NAALADL2: variants seen among roughly 807,000 people sequenced by gnomAD.
The protein encoded by NAALADL2 is inactive N-acetylated-alpha-linked acidic dipeptidase-like protein 2.
A neutral mutation model predicts 87.2 loss-of-function variants in NAALADL2; 76 were observed. That is an observed-to-expected ratio of 0.87 (90% CI 0.72 to 1.05). The LOEUF is 1.05. Among genes scored for constraint, NAALADL2 ranks in the 50% least tolerant of loss-of-function variants. NAALADL2 has a pLI of 0.00. For missense variants in NAALADL2, 1,089 were observed against 945.8 expected, an observed-to-expected ratio of 1.15 and a Z score of -1.99; for synonymous variants, 354 against 331.0, an observed-to-expected ratio of 1.07 and a Z score of -0.75.
Position 175,479,345 on chromosome 3 carries a change from G to A in NAALADL2, c.1653+7587G>A, listed in dbSNP as rs141318329. Among the ~76,000 whole-genome samples, 250 of 151,812 alleles carry A rather than the reference G, an allele frequency of 1.6e-3. 6 individuals carry two copies. Among genetic ancestry groups the A allele is most frequent in the Admixed American group, 3.9e-3 (60 of 15,204 alleles). On this transcript the variant is annotated intron_variant, in intron 9 of 13. Coordinates refer to ENST00000454872, the MANE Select transcript of NAALADL2 (RefSeq NM_207015.3). ...ACTTTGAACAAACATTTCCCAGTGC[G>A]CATTATGAAAGGTATACAAAGTAGA...
At chr3:174,517,759 T>C (rs1052066462) in intron 1 of NAALADL2, among the ~76,000 whole-genome samples, 1 of 152,162 alleles carries the variant, frequency 6.6e-6, no homozygotes, top group Non-Finnish European at 1.5e-5. Flanking sequence ...ATTATTCTGT[T>C]AACTTTCTCA....
At chr3:174,748,669 G>A (rs1560192573) in intron 3 of NAALADL2, among the ~76,000 whole-genome samples, 2 of 152,112 alleles carry the variant, frequency 1.3e-5, no homozygotes, top group Admixed American at 6.6e-5. Flanking sequence ...AATGTTACGA[G>A]AATCTAGAAG....
chr3:175,021,917 A>C (rs753911639), intron 1 of NAALADL2, among the ~76,000 whole-genome samples: 13 of 152,008 alleles, frequency 8.6e-5, no homozygotes, highest in Non-Finnish European at 1.8e-4. Flanking sequence ...TCAATGTTGG[A>C]AGTAGGGCCC....
Position 175,398,454 on chromosome 3 carries a change from C to A in NAALADL2, c.1091-48775C>A, listed in dbSNP as rs148400132. Among the ~76,000 whole-genome samples, 204 of 150,006 alleles carry A rather than the reference C, an allele frequency of 1.4e-3. 1 individual carries two copies. Among genetic ancestry groups the A allele is most frequent in the African/African-American group, 4.8e-3 (193 of 40,588 alleles). On this transcript the variant is annotated intron_variant, in intron 5 of 13. Coordinates refer to ENST00000454872, the MANE Select transcript of NAALADL2 (RefSeq NM_207015.3). ...AATCTGTATCCACATGATGAAAGCA[C>A]TGTATGGTTCTCATTGTATTGTTTT...
intron 11 of NAALADL2, among the ~76,000 whole-genome samples, chr3:175,721,656 C>T (rs1033554286): frequency 2.0e-5 from 3 of 151,940 alleles, no homozygotes; most frequent in African/African-American, 7.2e-5. Flanking sequence ...AAAAACTGAT[C>T]GAGCTATAGG....
chr3:175,316,283 G>A (rs756075481), intron 4 of NAALADL2, among the ~76,000 whole-genome samples: 2 of 152,142 alleles, frequency 1.3e-5, no homozygotes, highest in Non-Finnish European at 2.9e-5. Context: ...AGTACAGCAG[G>A]ACCTGGAGTC....
At chr3:175,795,957 G>A (rs535515098) in intron 13 of NAALADL2, among the ~76,000 whole-genome samples, 1 of 151,974 alleles carries the variant, frequency 6.6e-6, no homozygotes, top group Admixed American at 6.6e-5. Flanking sequence ...TTGTCTTGGG[G>A]CTAGCTAGTA....
At chr3:175,539,787 A>C (rs1711980796) in intron 9 of NAALADL2, among the ~76,000 whole-genome samples, 1 of 152,180 alleles carries the variant, frequency 6.6e-6, no homozygotes, top group South Asian at 2.1e-4. Context: ...AATGGTTGGC[A>C]CTGAGAAAAA....
At chr3:174,707,496 G>A (rs529742307) in intron 2 of NAALADL2, among the ~76,000 whole-genome samples, 18 of 152,202 alleles carry the variant, frequency 1.2e-4, no homozygotes, top group African/African-American at 4.3e-4. Context: ...GTCCTTTGTA[G>A]CGACATGGAT....
intron 11 of NAALADL2, chr3:175,655,511 A>G (rs1408123618): frequency 2.6e-5 from 10 of 390,604 alleles, no homozygotes; most frequent in Non-Finnish European, 4.1e-5. Context: ...ATAGTCTTGG[A>G]ATGTGTGGTA....
At chr3:175,789,898 A>T (rs2108282678) in intron 13 of NAALADL2, among the ~76,000 whole-genome samples, 1 of 152,258 alleles carries the variant, frequency 6.6e-6, no homozygotes, top group African/African-American at 2.4e-5. Context: ...ATACAAATGC[A>T]TTTTGTTTTC....
At chr3:175,675,301 A>G (rs1402574136) in intron 11 of NAALADL2, 1 of 152,276 alleles carries the variant, frequency 6.6e-6, no homozygotes, top group East Asian at 1.9e-4. Context: ...GCTACATCAT[A>G]TGACCATTCT....
chr3:175,666,825 C>G (rs1733066700), intron 11 of NAALADL2, among the ~76,000 whole-genome samples: 1 of 151,882 alleles, frequency 6.6e-6, no homozygotes, highest in African/African-American at 2.4e-5. Flanking sequence ...AAACAAAAAT[C>G]CTGTTTTTAA....
chr3:175,383,566 C>A (rs1384987784), intron 5 of NAALADL2, among the ~76,000 whole-genome samples: 1 of 151,962 alleles, frequency 6.6e-6, no homozygotes, highest in Non-Finnish European at 1.5e-5. Flanking sequence ...CTTTAACCAG[C>A]ATATCCCCTA....
chr3:175,652,535 G>A (rs1394384659), intron 11 of NAALADL2, among the ~76,000 whole-genome samples: 12 of 145,502 alleles, frequency 8.2e-5, no homozygotes, highest in African/African-American at 2.1e-4. Flanking sequence ...CTGGAGTGCA[G>A]TGGTGCCATC....
At chr3:175,697,594 A>G (rs2862310) in intron 11 of NAALADL2, among the ~76,000 whole-genome samples, 42,756 of 151,200 alleles carry the variant, frequency 0.28, 7,069 homozygotes, top group African/African-American at 0.47. Context: ...AACTCTGAAA[A>G]TGAAAGTAAG....
At chr3:174,551,007 A>G (rs1208083284) in intron 2 of NAALADL2, 3 of 151,936 alleles carry the variant, frequency 2.0e-5, no homozygotes, top group African/African-American at 7.3e-5. Context: ...TTTTATTATT[A>G]TTATACTTTA....
intron 2 of NAALADL2, among the ~76,000 whole-genome samples, chr3:175,164,600 A>G (rs183817168): frequency 6.6e-6 from 1 of 152,216 alleles, no homozygotes; most frequent in Admixed American, 6.6e-5. Flanking sequence ...TAAAATAACC[A>G]GTAAGTTTGA....
intron 1 of NAALADL2, among the ~76,000 whole-genome samples, chr3:174,525,624 C>A (rs977564952): frequency 5.9e-5 from 9 of 152,078 alleles, no homozygotes; most frequent in African/African-American, 2.2e-4. Flanking sequence ...GCACAAACAT[C>A]CATAGCAATG....
Sources: gnomAD v4.1 joint callset for allele counts (sites outside exome capture counted in the v4.1 genomes callset) on GRCh38, gnomAD v4.1.1 for gene constraint, MANE v1.5 for transcripts, NCBI Gene and HGNC (gene_info 2026-07-23, HGNC 2026-07-21) for gene names.